The following TRPM3 variants were observed in gnomAD, a reference collection of about 807,000 sequenced individuals.
The protein encoded by TRPM3 is transient receptor potential cation channel subfamily M member 3.
A neutral mutation model predicts 181.2 loss-of-function variants in TRPM3; 77 were observed. The observed-to-expected ratio is 0.42, with a 90% CI of 0.35 to 0.51. The LOEUF (loss-of-function observed/expected upper bound fraction) is 0.51. Among genes scored for constraint, TRPM3 ranks in the 20% least tolerant of loss-of-function variants. The pLI is 0.01. For missense variants in TRPM3, 1,759 were observed against 2,196.7 expected (o/e 0.80, Z 3.98); for synonymous variants, 745 against 796.4 (o/e 0.94, Z 1.09).
intron 1 of TRPM3, among the ~76,000 whole-genome samples, chr9:71,078,042 G>T (rs376612869): frequency 6.6e-6 from 1 of 151,630 alleles, no homozygotes; most frequent in Non-Finnish European, 1.5e-5. Context: ...TAGCAACTCC[G>T]TCTCTAGAAA....
chr9:70,984,956 G>A (rs17519691), intron 1 of TRPM3, among the ~76,000 whole-genome samples: 3 of 152,204 alleles, frequency 2.0e-5, no homozygotes, highest in Admixed American at 1.3e-4. Context: ...TTTGTCCTAG[G>A]TTCTAGCTTT....
intron 1 of TRPM3, among the ~76,000 whole-genome samples, chr9:71,099,340 A>G (rs1243648899): frequency 2.0e-5 from 3 of 152,162 alleles, no homozygotes; most frequent in Admixed American, 6.6e-5. Context: ...CCACCTTCTA[A>G]TATCAACACC....
chr9:71,313,080 C>T (rs1480403459), intron 1 of TRPM3, among the ~76,000 whole-genome samples: 16 of 152,046 alleles, frequency 1.1e-4, no homozygotes, highest in Non-Finnish European at 1.5e-5. Context: ...CACCAATTAA[C>T]AAATGTTAAT....
intron 8 of TRPM3, among the ~76,000 whole-genome samples, chr9:70,751,497 T>C (rs1189728277): frequency 6.6e-6 from 1 of 152,054 alleles, no homozygotes; most frequent in East Asian, 1.9e-4. Context: ...TAAAATTACT[T>C]CTTCAAAAAA....
chr9:71,380,698 G>A (rs2092779742), intron 1 of TRPM3, among the ~76,000 whole-genome samples: 1 of 151,922 alleles, frequency 6.6e-6, no homozygotes, highest in African/African-American at 2.4e-5. Flanking sequence ...ATTAAATAAG[G>A]TTCATTTTTC....
At chr9:70,657,449 T>G (rs2060518988) in intron 9 of TRPM3, among the ~76,000 whole-genome samples, 1 of 152,178 alleles carries the variant, frequency 6.6e-6, no homozygotes, top group Non-Finnish European at 1.5e-5. Flanking sequence ...TAACAATGTT[T>G]TCTTAAAGGT....
At chr9:70,887,649 T>C (rs1394924894) in intron 1 of TRPM3, among the ~76,000 whole-genome samples, 1 of 152,218 alleles carries the variant, frequency 6.6e-6, no homozygotes, top group Non-Finnish European at 1.5e-5. Context: ...TTCTTATTTA[T>C]GTTACAGTTG....
At chr9:71,201,035 T>C (rs1158861032) in intron 1 of TRPM3, among the ~76,000 whole-genome samples, 5 of 152,262 alleles carry the variant, frequency 3.3e-5, no homozygotes, top group Non-Finnish European at 7.4e-5. Context: ...CCATGTTTAG[T>C]GCTTCCTTCA....
intron 8 of TRPM3, among the ~76,000 whole-genome samples, chr9:70,738,627 A>T (rs1447565887): frequency 6.6e-6 from 1 of 152,182 alleles, no homozygotes; most frequent in Non-Finnish European, 1.5e-5. Flanking sequence ...AAAAGAAATA[A>T]CAAAGATCAG....
chr9:71,017,846 A>G (rs1383335526), intron 1 of TRPM3, among the ~76,000 whole-genome samples: 1 of 151,906 alleles, frequency 6.6e-6, no homozygotes, highest in East Asian at 1.9e-4. Flanking sequence ...ACTGACATAC[A>G]TAGAACTCTA....
chr9:71,343,932 C>T (rs2091125725), intron 1 of TRPM3, among the ~76,000 whole-genome samples: 1 of 151,940 alleles, frequency 6.6e-6, no homozygotes, highest in Non-Finnish European at 1.5e-5. Context: ...CACCTACTGG[C>T]CATATCTGGG....
intron 1 of TRPM3, among the ~76,000 whole-genome samples, chr9:71,250,214 T>C (rs1379076516): frequency 6.6e-6 from 1 of 152,176 alleles, no homozygotes. Flanking sequence ...ATTGAATAGC[T>C]ATTTACAACT....
At chr9:70,759,846 T>C (rs2077763054) in intron 8 of TRPM3, among the ~76,000 whole-genome samples, 1 of 151,642 alleles carries the variant, frequency 6.6e-6, no homozygotes, top group African/African-American at 2.4e-5. Flanking sequence ...GGTGGGGGGC[T>C]AGGGGAGGGA....
chr9:71,252,874 G>A (rs1358609375), intron 1 of TRPM3, among the ~76,000 whole-genome samples: 1 of 71,330 alleles, frequency 1.4e-5, no homozygotes, highest in Non-Finnish European at 2.6e-5. Context: ...TTTTTTAGAA[G>A]TGCAGTCTTT....
intron 1 of TRPM3, among the ~76,000 whole-genome samples, chr9:71,096,560 G>GCACA (rs35388140): frequency 0.047 from 3,651 of 78,166 alleles, 162 homozygotes; most frequent in African/African-American, 0.093. Context: ...GTGAGCGCAT[G>GCACA]CACACACACA....
intron 1 of TRPM3, among the ~76,000 whole-genome samples, chr9:71,145,401 A>G (rs990106606): frequency 1.3e-5 from 2 of 152,138 alleles, no homozygotes; most frequent in African/African-American, 4.8e-5. Context: ...GTTCCTTTAG[A>G]TAAGAGACTT....
intron 1 of TRPM3, among the ~76,000 whole-genome samples, chr9:70,977,857 C>G (rs1039382639): frequency 1.3e-5 from 2 of 152,218 alleles, no homozygotes; most frequent in Admixed American, 6.5e-5. Context: ...CTTCCATGCA[C>G]TTTCGAGGTG....
rs542932860 is a variant in TRPM3, at chr9:70,853,989, T to C, written c.463-7398A>G. Among the ~76,000 whole-genome samples, 50 of 152,330 alleles carry C rather than the reference T, an allele frequency of 3.3e-4. No individual in the cohort carries two copies. In the South Asian group the frequency reaches 0.01, roughly 32 times the overall value. On this transcript the variant is annotated intron_variant, in intron 3 of 25. Transcript: ENST00000677713. Reference sequence around the variant, plus strand: ...ATATTCCTATGCTCATAAAGATCAGTTCCTTTTGTAAGCTCTCCAGGTGCT... The same window carrying C: ...ATATTCCTATGCTCATAAAGATCAGCTCCTTTTGTAAGCTCTCCAGGTGCT...
At chr9:70,656,116 G>A (rs1219574883) in intron 9 of TRPM3, among the ~76,000 whole-genome samples, 3 of 152,114 alleles carry the variant, frequency 2.0e-5, no homozygotes, top group Non-Finnish European at 4.4e-5. Flanking sequence ...AAAATTATTG[G>A]TAAGGTAATA....
Sources: allele counts gnomAD v4.1 joint callset (sites outside exome capture counted in the v4.1 genomes callset), GRCh38; gene constraint gnomAD v4.1.1; transcripts MANE v1.5; gene names NCBI Gene and HGNC (gene_info 2026-07-23, HGNC 2026-07-21).